ENPP1: variants seen among roughly 807,000 people sequenced by gnomAD.
The protein encoded by ENPP1 is ectonucleotide pyrophosphatase/phosphodiesterase 1.
Under a neutral mutation model 122.8 loss-of-function variants are expected in ENPP1, and 73 were observed. The ratio of observed to expected loss-of-function variants is 0.59; its 90% CI spans 0.49 to 0.72. The LOEUF (loss-of-function observed/expected upper bound fraction) is 0.72. Ranked by LOEUF, ENPP1 falls within the 30% of genes least tolerant of loss-of-function variation. ENPP1 has a pLI of 0.00. For synonymous variants in ENPP1, 367 were observed against 391.6 expected (o/e 0.94, Z 0.74); for missense variants, 978 against 1,128.1 (o/e 0.87, Z 1.91).
In ENPP1 at chr6:131,858,673, T is replaced by C. The variant is rs1263010805; in HGVS notation, c.721T>C (p.Cys241Arg). The C allele has an allele frequency of 6.2e-7, 1 of 1,601,740 alleles. No individual in the cohort carries two copies. Among genetic ancestry groups the C allele is most frequent in the Admixed American group, 1.7e-5 (1 of 59,962 alleles). Residue 241 changes from cysteine (C) to arginine (R), a missense_variant, in exon 7 of 25, where the codon TGT becomes CGT. Cys to Arg is a radical substitution (Grantham distance 180). Coordinates refer to ENST00000647893, the MANE Select transcript of ENPP1 (RefSeq NM_006208.3). ...LLPVISKLKK[C>R]GTYTKNMRPV... ...TTTATTTTTTTCCCTTCTAGAAAAA[T>C]GTGGAACATATACTAAAAACATGAG...
In ENPP1 at chr6:131,890,245, A is replaced by C. The variant is rs1782449766; in HGVS notation, c.2608-96A>C. On this transcript the variant is annotated intron_variant, in intron 24 of 24. Coordinates refer to ENST00000647893, the MANE Select transcript of ENPP1 (RefSeq NM_006208.3). The stretch of plus-strand genomic sequence containing the variant: ...TGGCACGTTCCACTTCAGAGCTGAA[A>C]TCTCGTAAATGATTAAACTGGGGAG... The C allele has an allele frequency of 3.0e-6, 3 of 1,004,432 alleles. No homozygotes were observed. In the Admixed American group the frequency reaches 5.1e-5, roughly 17 times the overall value. 62.2% of individuals were successfully genotyped at this position (1,004,432 alleles called of 1,614,324 possible).
intron 11 of ENPP1, among the ~76,000 whole-genome samples, chr6:131,866,394 GT>G (rs1562179352): frequency 6.6e-6 from 1 of 152,212 alleles, no homozygotes; most frequent in Non-Finnish European, 1.5e-5. Context: ...CATGGTCCCT[GT>G]TTTTGAGGGT....
At chr6:131,822,111 A>C (rs1781491252) in intron 1 of ENPP1, among the ~76,000 whole-genome samples, 2 of 152,224 alleles carry the variant, frequency 1.3e-5, no homozygotes, top group Non-Finnish European at 2.9e-5. Context: ...AGCAGGAAAC[A>C]ACTCTACTTG....
At position 131,882,415 on chromosome 6, in the gene ENPP1, A is replaced by G. The variant is rs1018085561; in HGVS notation, c.2171A>G (p.His724Arg). ...TTTAGAATTCCTCTTAGTCCTGTCCATAAATGTTCATTTTATAAAAATAAC... is the reference window on the plus strand; with the variant it reads ...TTTAGAATTCCTCTTAGTCCTGTCCGTAAATGTTCATTTTATAAAAATAAC... ...QDFRIPLSPVHKCSFYKNNTK... is the reference protein window; with the variant it reads ...QDFRIPLSPVRKCSFYKNNTK... The change falls in exon 21 of 25, where the codon CAT becomes CGT. Residue 724 changes from histidine (H) to arginine (R), a missense_variant. This residue lies in a region of ENPP1 where 644 missense variants were observed against 781.5 expected (regional missense o/e 0.82). Coordinates refer to ENST00000647893, the MANE Select transcript of ENPP1 (RefSeq NM_006208.3). 10 of 1,609,210 alleles carry G rather than the reference A, an allele frequency of 6.2e-6. No individual in the cohort carries two copies. In the African/African-American group the frequency reaches 1.3e-4, roughly 22 times the overall value.
At chr6:131,863,289 G>A (rs62424486) in intron 9 of ENPP1, among the ~76,000 whole-genome samples, 4,467 of 152,260 alleles carry the variant, frequency 0.029, 74 homozygotes, top group African/African-American at 0.037. Context: ...GTAAGAAACT[G>A]ATTAGAATAA....
intron 1 of ENPP1, among the ~76,000 whole-genome samples, chr6:131,813,045 T>G (rs1781373793): frequency 6.6e-6 from 1 of 152,164 alleles, no homozygotes; most frequent in African/African-American, 2.4e-5. Flanking sequence ...TTCACTTTGT[T>G]GCCCAGGCTG....
chr6:131,835,379 T>C (rs554094661), intron 1 of ENPP1, among the ~76,000 whole-genome samples: 1 of 152,272 alleles, frequency 6.6e-6, no homozygotes, highest in African/African-American at 2.4e-5. Context: ...GGATAATTAA[T>C]TAAAAAGAGG....
intron 1 of ENPP1, chr6:131,820,118 G>A (rs569203969): frequency 1.6e-5 from 7 of 434,024 alleles, no homozygotes; most frequent in African/African-American, 6.2e-5. Flanking sequence ...GCTTCGGAGC[G>A]ACTGGTCATA....
intron 6 of ENPP1, among the ~76,000 whole-genome samples, chr6:131,856,204 G>T (rs1781943582): frequency 6.6e-6 from 1 of 152,142 alleles, no homozygotes; most frequent in Admixed American, 6.5e-5. Flanking sequence ...CAGGCCTGTG[G>T]CCTTTGAAGT....
intron 4 of ENPP1, 141 bp from the exon 5 acceptor site, chr6:131,852,034 C>A: frequency 1.6e-6 from 1 of 610,304 alleles, no homozygotes; most frequent in Non-Finnish European, 2.9e-6. Flanking sequence ...ATTGATTATA[C>A]ACCTCCAGAG....
chr6:131,859,048 G>A (rs749743767), intron 7 of ENPP1, among the ~76,000 whole-genome samples: 6 of 152,066 alleles, frequency 3.9e-5, no homozygotes, highest in Admixed American at 6.6e-5. Context: ...CTAGTTTTGA[G>A]GCTTACTTTA....
intron 1 of ENPP1, chr6:131,820,112 C>A (rs755523143): frequency 2.2e-4 from 98 of 440,678 alleles, no homozygotes; most frequent in Non-Finnish European, 3.8e-4. Flanking sequence ...TTCCCTGCTT[C>A]GGAGCGACTG....
chr6:131,827,896 GC>G, intron 1 of ENPP1: 2 of 1,386,316 alleles, frequency 1.4e-6, no homozygotes, highest in Non-Finnish European at 2.0e-6. Flanking sequence ...TGACTGCTCG[GC>G]CACTGTTTCT....
At chr6:131,847,326 T>C (rs553690802) in intron 1 of ENPP1, among the ~76,000 whole-genome samples, 1 of 152,350 alleles carries the variant, frequency 6.6e-6, no homozygotes, top group Non-Finnish European at 1.5e-5. Context: ...GAGTTTCTAA[T>C]TACATTAACA....
chr6:131,860,265 C>T lies in ENPP1; in HGVS notation c.796-122C>T. ...TACCTGATTTTTTTGTTTTTCTTTC[C>T]TTAAACTTATTATAATTCCATGTAG... On this transcript the variant is annotated intron_variant, in intron 7 of 24. Coordinates refer to ENST00000647893, the MANE Select transcript of ENPP1 (RefSeq NM_006208.3). 1.0e-5 allele frequency: 8 copies of T among 791,124 alleles called. No individual in the cohort carries two copies. The South Asian group carries it at 1.2e-4, about 12-fold the overall frequency. The allele number at this position is 791,124 out of a possible 1,614,324, so 49.0% of individuals were successfully genotyped here. A position where few individuals can be genotyped will look rare whatever the true frequency, so the allele number is the denominator to read the frequency against.
At chr6:131,844,284 A>G (rs1781777650) in intron 1 of ENPP1, among the ~76,000 whole-genome samples, 1 of 152,248 alleles carries the variant, frequency 6.6e-6, no homozygotes, top group African/African-American at 2.4e-5. Context: ...TCCCAACAAC[A>G]TAGTTCAAAT....
intron 1 of ENPP1, among the ~76,000 whole-genome samples, chr6:131,847,134 C>T (rs908439416): frequency 6.6e-6 from 1 of 152,112 alleles, no homozygotes; most frequent in African/African-American, 2.4e-5. Flanking sequence ...CACAAGGTAC[C>T]ACAGTACATG....
intron 6 of ENPP1, 55 bp from the exon 7 acceptor site, chr6:131,858,613 G>T: frequency 1.7e-6 from 2 of 1,168,636 alleles, no homozygotes; most frequent in Non-Finnish European, 2.5e-6. Flanking sequence ...TGCTAAATGA[G>T]GTAAGCCAAT....
chr6:131,832,415 C>T (rs1781625615), intron 1 of ENPP1, among the ~76,000 whole-genome samples: 1 of 152,140 alleles, frequency 6.6e-6, no homozygotes, highest in Non-Finnish European at 1.5e-5. Flanking sequence ...CCAGGTTATT[C>T]CCTCAGAATG....
Sources: gnomAD v4.1 joint callset for allele counts (sites outside exome capture counted in the v4.1 genomes callset) on GRCh38, gnomAD v4.1.1 for gene constraint, gnomAD v4.1.1 regional missense constraint, MANE v1.5 for transcripts, NCBI Gene and HGNC (gene_info 2026-07-23, HGNC 2026-07-21) for gene names.